The following ZNF718 variants were observed in gnomAD, a reference collection of about 807,000 sequenced individuals.
ZNF718 encodes zinc finger protein 718.
Under a neutral mutation model 2.6 loss-of-function variants are expected in ZNF718, and 3 were observed. The observed-to-expected ratio is 1.16, with a 90% confidence interval of 0.53 to 3.01. The LOEUF (loss-of-function observed/expected upper bound fraction) is 3.01, where lower values mean the gene tolerates loss of function less well. Among genes scored for constraint, ZNF718 ranks in the 30% most tolerant of loss-of-function variants. The probability of loss-of-function intolerance (pLI) is 0.03; values close to 1 mark genes in which losing one functional copy is unlikely to be tolerated. For synonymous variants in ZNF718, 135 were observed against 77.9 expected, an observed-to-expected ratio of 1.73 and a Z score of -3.86; for missense variants, 468 against 230.0, an observed-to-expected ratio of 2.03 and a Z score of -6.69.
At chr4:136,229 A>T (rs1715565960) in intron 3 of ZNF718, among the ~76,000 whole-genome samples, 1 of 152,152 alleles carries the variant, frequency 6.6e-6, no homozygotes, top group African/African-American at 2.4e-5. Flanking sequence ...TCTACTGACT[A>T]CCGGGGAACA....
At chr4:187,490 A>C (rs1717593358) in intron 3 of ZNF718, among the ~76,000 whole-genome samples, 1 of 152,152 alleles carries the variant, frequency 6.6e-6, no homozygotes, top group Non-Finnish European at 1.5e-5. Context: ...CTCTCAAAGC[A>C]CTGGGATCAC....
chr4:128,178 C>G (rs1715278743), intron 1 of ZNF718, among the ~76,000 whole-genome samples: 2 of 104,250 alleles, frequency 1.9e-5, no homozygotes, highest in Admixed American at 1.0e-4. Flanking sequence ...ATTCCCAACA[C>G]TGGACCAGAC....
intron 3 of ZNF718, among the ~76,000 whole-genome samples, chr4:178,157 G>C (rs1270076288): frequency 9.3e-6 from 1 of 107,664 alleles, no homozygotes; most frequent in Non-Finnish European, 2.0e-5. Context: ...TTTTTTTTTT[G>C]AGACAAGATC....
intron 3 of ZNF718, among the ~76,000 whole-genome samples, chr4:154,882 G>C (rs1553813336): frequency 6.6e-6 from 1 of 152,222 alleles, no homozygotes; most frequent in East Asian, 1.9e-4. Context: ...AGAGAACTTT[G>C]TGATAGCTTC....
chr4:157,702 TG>T (rs1308850275), intron 3 of ZNF718, among the ~76,000 whole-genome samples: 1 of 152,194 alleles, frequency 6.6e-6, no homozygotes, highest in Non-Finnish European at 1.5e-5. Flanking sequence ...AAAAGTAATC[TG>T]TAAAATTTTA....
intron 3 of ZNF718, among the ~76,000 whole-genome samples, chr4:157,815 T>C (rs1716643991): frequency 6.6e-6 from 1 of 152,204 alleles, no homozygotes; most frequent in Admixed American, 6.5e-5. Context: ...CTGCTGTCAT[T>C]GAGCAGTGTT....
At chr4:166,753 C>T (rs1717097301), downstream of ZNF718, among the ~76,000 whole-genome samples, 1 of 151,808 alleles carries the variant, frequency 6.6e-6, no homozygotes, top group African/African-American at 2.4e-5. Flanking sequence ...GGATATTAGT[C>T]CTTTGTCAGA....
chr4:185,918 A>G (rs1470587798), intron 3 of ZNF718, among the ~76,000 whole-genome samples: 1 of 152,138 alleles, frequency 6.6e-6, no homozygotes, highest in African/African-American at 2.4e-5. Context: ...TTTTGAAGAC[A>G]GCGTACCAAT....
At chr4:124,995 T>G (rs1715135096) in intron 1 of ZNF718, 2 of 317,402 alleles carry the variant, frequency 6.3e-6, no homozygotes, top group African/African-American at 2.2e-5. Context: ...CGTCCCTACT[T>G]TACCCTGTTC....
chr4:198,371 A>G (rs1401674403), intron 3 of ZNF718, among the ~76,000 whole-genome samples: 1 of 152,150 alleles, frequency 6.6e-6, no homozygotes, highest in Non-Finnish European at 1.5e-5. Context: ...GCTTAAAGTT[A>G]AAAGGAGAAC....
intron 3 of ZNF718, among the ~76,000 whole-genome samples, chr4:159,386 ATT>A (rs34256266): frequency 1.9e-4 from 28 of 148,464 alleles, no homozygotes; most frequent in Admixed American, 2.7e-4. Context: ...GACATCTGGA[ATT>A]TTTTTTTTTT....
intron 3 of ZNF718, among the ~76,000 whole-genome samples, chr4:193,402 G>A (rs1581486636): frequency 6.6e-6 from 1 of 152,106 alleles, no homozygotes; most frequent in African/African-American, 2.4e-5. Flanking sequence ...ATTGCTGTGT[G>A]GGCATGGAGG....
intron 3 of ZNF718, among the ~76,000 whole-genome samples, chr4:139,742 G>A (rs1156759561): frequency 6.6e-6 from 1 of 152,222 alleles, no homozygotes; most frequent in East Asian, 1.9e-4. Context: ...TAAGCCCAAA[G>A]TTTGGGATTC....
chr4:197,210 G>A (rs1265236975), intron 3 of ZNF718, among the ~76,000 whole-genome samples: 1 of 152,050 alleles, frequency 6.6e-6, no homozygotes, highest in Non-Finnish European at 1.5e-5. Context: ...GGACCTGGGA[G>A]CCTTTCACCC....
chr4:161,399 G>A lies in ZNF718; in HGVS notation c.714G>A (p.Arg238=). 1.3e-6 allele frequency: 1 copy of A among 779,902 alleles called. No individual in the cohort carries two copies. Among genetic ancestry groups the A allele is most frequent in the Non-Finnish European group, 2.4e-6 (1 of 417,522 alleles). 48.3% of individuals were successfully genotyped at this position (779,902 alleles called of 1,614,324 possible). ...AAGAATGTGGTAAAGGCTTTACTCG[G>A]TCCTCACACCTTACTAAACATAAGA... is the stretch of plus-strand genomic sequence containing the variant. The part of the protein sequence containing the change: ...KCEECGKGFT[R]SSHLTKHKRI... The change falls in exon 4 of 4, where the codon CGG becomes CGA. Residue 238 remains arginine, a synonymous_variant. Transcript: ENST00000510175.
chr4:125,508 T>A (rs1715167989), intron 1 of ZNF718, among the ~76,000 whole-genome samples: 1 of 152,148 alleles, frequency 6.6e-6, no homozygotes, highest in African/African-American at 2.4e-5. Flanking sequence ...GGTTGGAGCA[T>A]TGACTGGTGT....
Position 157,131 on chromosome 4 carries a change from T to C in ZNF718, c.227-3781T>C, listed in dbSNP as rs1481412607. 7.9e-4 allele frequency among the ~76,000 whole-genome samples: 63 copies of C among 79,930 alleles called. 1 individual carries two copies. Among genetic ancestry groups the C allele is most frequent in the Middle Eastern group, 0.011 (1 of 92 alleles). 52.4% of individuals were successfully genotyped at this position (79,930 alleles called of 152,430 possible). ...TTTTTTTTTTTTTTTTTTTTTTTTT[T>C]CAGACAGTTCCACACTTGTTGCCCA... On this transcript the variant is annotated intron_variant, in intron 3 of 3. Transcript: ENST00000510175.
intron 3 of ZNF718, among the ~76,000 whole-genome samples, chr4:174,465 T>C (rs1717308337): frequency 6.6e-6 from 1 of 152,222 alleles, no homozygotes. Flanking sequence ...TCCATAATTC[T>C]TGTCACTTTG....
At chr4:196,269 C>T (rs6831710) in intron 3 of ZNF718, among the ~76,000 whole-genome samples, 8,676 of 152,198 alleles carry the variant, frequency 0.057, 683 homozygotes, top group African/African-American at 0.18. Flanking sequence ...CATTTACAAA[C>T]TTGGGGCCCT....
Sources: allele counts gnomAD v4.1 joint callset (sites outside exome capture counted in the v4.1 genomes callset), GRCh38; gene constraint gnomAD v4.1.1; transcripts MANE v1.5; gene names NCBI Gene and HGNC (gene_info 2026-07-23, HGNC 2026-07-21).